The following GALNT10 variants were observed in gnomAD, a reference collection of about 807,000 sequenced individuals.
GALNT10 encodes polypeptide N-acetylgalactosaminyltransferase 10.
A neutral mutation model predicts 75.0 loss-of-function variants in GALNT10; 41 were observed. The observed-to-expected ratio is 0.55, with a 90% CI of 0.43 to 0.71. The LOEUF is 0.71. Ranked by LOEUF, GALNT10 falls within the 30% of genes least tolerant of loss-of-function variation. The probability of loss-of-function intolerance (pLI) is 0.00; values close to 1 mark genes in which losing one functional copy is unlikely to be tolerated. For missense variants in GALNT10, 727 were observed against 818.5 expected (o/e 0.89, Z 1.36); for synonymous variants, 302 against 313.0 (o/e 0.96, Z 0.37).
intron 3 of GALNT10, among the ~76,000 whole-genome samples, chr5:154,304,606 T>A (rs183510157): frequency 1.3e-4 from 20 of 152,108 alleles, no homozygotes; most frequent in Non-Finnish European, 1.8e-4. Context: ...CAAATAGAGA[T>A]CTTTATTTAC....
chr5:154,388,197 A>G (rs1228355681), intron 7 of GALNT10: 2 of 152,182 alleles, frequency 1.3e-5, no homozygotes, highest in African/African-American at 4.8e-5. Context: ...TGGCCAGTTT[A>G]TATCTATTTT....
At chr5:154,282,442 A>G (rs1198776338) in intron 1 of GALNT10, among the ~76,000 whole-genome samples, 1 of 152,200 alleles carries the variant, frequency 6.6e-6, no homozygotes, top group Non-Finnish European at 1.5e-5. Flanking sequence ...GGAAAATATC[A>G]TCTTTATTCT....
At chr5:154,331,258 C>G (rs1754859607) in intron 4 of GALNT10, among the ~76,000 whole-genome samples, 1 of 152,012 alleles carries the variant, frequency 6.6e-6, no homozygotes, top group African/African-American at 2.4e-5. Flanking sequence ...GTACTTCCAC[C>G]CTGGAAGTAC....
At chr5:154,378,167 C>T (rs1253820471) in intron 5 of GALNT10, among the ~76,000 whole-genome samples, 1 of 152,194 alleles carries the variant, frequency 6.6e-6, no homozygotes, top group African/African-American at 2.4e-5. Flanking sequence ...ATGTCAGCAG[C>T]TGACAGAGCG....
chr5:154,370,894 C>T (rs138630829), intron 4 of GALNT10, among the ~76,000 whole-genome samples: 3 of 152,334 alleles, frequency 2.0e-5, no homozygotes, highest in African/African-American at 7.2e-5. Flanking sequence ...CCAGGCTCAG[C>T]AGAGGCTGCC....
Position 154,412,634 on chromosome 5 carries a change from C to T in GALNT10, c.1387-255C>T, listed in dbSNP as rs970575198. On this transcript the variant is annotated intron_variant, in intron 9 of 11. Transcript: ENST00000297107. The surrounding 1 kb of genome is among the most constrained non-coding windows in gnomAD (Gnocchi z 4.2). The stretch of plus-strand genomic sequence containing the variant: ...TACCAACTCCTCACCTCCACTCCCC[C>T]ACCACCAACCCAGGACTCTGCATAC... 3 of 386,296 alleles carry T rather than the reference C, an allele frequency of 7.8e-6. No individual in the cohort carries two copies. Among genetic ancestry groups the T allele is most frequent in the African/African-American group, 2.1e-5 (1 of 46,658 alleles). The allele number at this position is 386,296 out of a possible 1,614,324, so 23.9% of individuals were successfully genotyped here.
At position 154,334,312 on chromosome 5, in the gene GALNT10, G is replaced by A. The variant is rs151126782; in HGVS notation, c.568+4574G>A. ...CAGAAGCTGACACCAGAATAATCCT[G>A]GCCCTGCTTACAAATAGAACACTGC... On this transcript the variant is annotated intron_variant, in intron 4 of 11. Coordinates refer to ENST00000297107, the MANE Select transcript of GALNT10 (RefSeq NM_198321.4). Among the ~76,000 whole-genome samples, 79 of 152,348 alleles carry A rather than the reference G, an allele frequency of 5.2e-4. No individual in the cohort carries two copies. In the East Asian group the frequency reaches 0.015, roughly 28 times the overall value.
intron 4 of GALNT10, among the ~76,000 whole-genome samples, chr5:154,348,543 C>T (rs182686650): frequency 1.9e-3 from 287 of 152,196 alleles, no homozygotes; most frequent in African/African-American, 6.7e-3. Flanking sequence ...CCATAAATAC[C>T]TCATCAATTC....
At chr5:154,200,554 C>T (rs1261598701) in intron 1 of GALNT10, among the ~76,000 whole-genome samples, 1 of 151,162 alleles carries the variant, frequency 6.6e-6, no homozygotes, top group African/African-American at 2.4e-5. Flanking sequence ...GAGTCAGCTG[C>T]TGAGAGTTAA....
intron 1 of GALNT10, among the ~76,000 whole-genome samples, chr5:154,256,618 AG>A (rs1753618142): frequency 6.6e-6 from 1 of 152,126 alleles, no homozygotes; most frequent in African/African-American, 2.4e-5. Context: ...TATTAGGAGT[AG>A]GCAATTCTGT....
At chr5:154,323,420 A>T (rs1754705732) in intron 3 of GALNT10, among the ~76,000 whole-genome samples, 1 of 152,168 alleles carries the variant, frequency 6.6e-6, no homozygotes, top group African/African-American at 2.4e-5. Context: ...TCACACAAAA[A>T]CAGGCTGCCG....
At chr5:154,219,415 G>A (rs1256360166) in intron 1 of GALNT10, 1 of 152,618 alleles carries the variant, frequency 6.6e-6, no homozygotes, top group Non-Finnish European at 1.5e-5. Flanking sequence ...CTACCCTACA[G>A]ATGCATGAGC....
chr5:154,403,433 A>C (rs920552145), intron 7 of GALNT10, among the ~76,000 whole-genome samples: 60 of 152,200 alleles, frequency 3.9e-4, no homozygotes, highest in African/African-American at 1.4e-3. Flanking sequence ...GAACCATCAG[A>C]TCCCACACTG....
intron 1 of GALNT10, among the ~76,000 whole-genome samples, chr5:154,237,139 G>A (rs1354799549): frequency 6.6e-6 from 1 of 152,204 alleles, no homozygotes; most frequent in Non-Finnish European, 1.5e-5. Flanking sequence ...AAGTGAGGAA[G>A]CATGAGTTAA....
At chr5:154,275,805 T>G (rs1429426136) in intron 1 of GALNT10, among the ~76,000 whole-genome samples, 2 of 152,196 alleles carry the variant, frequency 1.3e-5, no homozygotes, top group African/African-American at 4.8e-5. Flanking sequence ...GGCACTTTTA[T>G]GATCTAGTCA....
chr5:154,229,105 T>C (rs1753108331), intron 1 of GALNT10, among the ~76,000 whole-genome samples: 3 of 152,186 alleles, frequency 2.0e-5, no homozygotes, highest in African/African-American at 4.8e-5. Flanking sequence ...ATTGCATTTT[T>C]GTTAGTTTTT....
At chr5:154,309,474 G>C (rs1754481287) in intron 3 of GALNT10, among the ~76,000 whole-genome samples, 1 of 152,244 alleles carries the variant, frequency 6.6e-6, no homozygotes, top group Non-Finnish European at 1.5e-5. Context: ...AGGCAGCCAA[G>C]GGTGGAAGCA....
chr5:154,262,113 T>C (rs1434767134), intron 1 of GALNT10, among the ~76,000 whole-genome samples: 2 of 152,172 alleles, frequency 1.3e-5, no homozygotes, highest in African/African-American at 4.8e-5. Flanking sequence ...AGGAATACAT[T>C]TGAGTTATTT....
At position 154,419,069 on chromosome 5, in the gene GALNT10, G is replaced by A. The variant is rs1012564254; in HGVS notation, c.*2097G>A. ...GTGCCTTGCTAGACAAACATAAAGGGGCAGGGTTGTGGGGAGGGGAACGTT... is the reference window on the plus strand; with the variant it reads ...GTGCCTTGCTAGACAAACATAAAGGAGCAGGGTTGTGGGGAGGGGAACGTT... On this transcript the variant is annotated 3_prime_UTR_variant, in exon 12 of 12. Coordinates refer to ENST00000297107, the MANE Select transcript of GALNT10 (RefSeq NM_198321.4). The A allele has an allele frequency of 1.3e-5, 2 of 152,350 alleles. No individual in the cohort carries two copies. The highest frequency in any genetic ancestry group is 4.8e-5 in the African/African-American group (2 of 41,358). 9.4% of individuals were successfully genotyped at this position (152,350 alleles called of 1,614,324 possible). A position where few individuals can be genotyped will look rare whatever the true frequency, so the allele number is the denominator to read the frequency against.
Sources: allele counts gnomAD v4.1 joint callset (sites outside exome capture counted in the v4.1 genomes callset), GRCh38; gene constraint gnomAD v4.1.1; non-coding constraint Gnocchi (gnomAD v3.1); transcripts MANE v1.5; gene names NCBI Gene and HGNC (gene_info 2026-07-23, HGNC 2026-07-21).